DENND4C: variants seen among roughly 807,000 people sequenced by gnomAD.
The protein encoded by DENND4C is DENN domain containing 4C, also known as DENN domain-containing protein 4C.
In DENND4C, 108 loss-of-function variants were observed where a neutral mutation model predicts 203.0. That is an observed-to-expected ratio of 0.53 (90% CI 0.46 to 0.62). The LOEUF (loss-of-function observed/expected upper bound fraction) is 0.62, where lower values mean the gene tolerates loss of function less well. Ranked by LOEUF, DENND4C falls within the 20% of genes least tolerant of loss-of-function variation. DENND4C has a pLI of 0.00. For synonymous variants in DENND4C, 871 were observed against 792.4 expected (o/e 1.10, Z -1.67); for missense variants, 2,481 against 2,301.2 (o/e 1.08, Z -1.60).
At chr9:19,294,095 G>A (rs1836924784) in intron 5 of DENND4C, among the ~76,000 whole-genome samples, 1 of 152,196 alleles carries the variant, frequency 6.6e-6, no homozygotes, top group South Asian at 2.1e-4. Context: ...TTAGTGAGTA[G>A]TCATTTTGAA....
intron 22 of DENND4C, among the ~76,000 whole-genome samples, chr9:19,344,812 C>T (rs1403183977): frequency 6.6e-6 from 1 of 151,068 alleles, no homozygotes; most frequent in African/African-American, 2.5e-5. Context: ...ATAACCCTAA[C>T]TTAAAAAAAA....
At chr9:19,246,534 G>A (rs1466595332) in intron 1 of DENND4C, among the ~76,000 whole-genome samples, 1 of 152,162 alleles carries the variant, frequency 6.6e-6, no homozygotes, top group Non-Finnish European at 1.5e-5. Flanking sequence ...GTGAGCCACT[G>A]CACTGGGCAT....
chr9:19,279,860 T>A (rs1206432862), intron 2 of DENND4C, among the ~76,000 whole-genome samples: 2 of 151,614 alleles, frequency 1.3e-5, no homozygotes, highest in Non-Finnish European at 2.9e-5. Flanking sequence ...AATCTATTTT[T>A]AACAAAATTC....
chr9:19,300,360 A>T, intron 9 of DENND4C, 29 bp downstream of exon 9: 1 of 1,472,932 alleles, frequency 6.8e-7, no homozygotes, highest in South Asian at 1.5e-5. Context: ...TTTTAGTACA[A>T]AATTACTGAC....
At chr9:19,303,760 A>G (rs908519636) in intron 9 of DENND4C, among the ~76,000 whole-genome samples, 1 of 152,238 alleles carries the variant, frequency 6.6e-6, no homozygotes, top group Non-Finnish European at 1.5e-5. Context: ...GATAAGGGTG[A>G]TAATTGAACT....
intron 2 of DENND4C, among the ~76,000 whole-genome samples, chr9:19,281,081 C>T (rs185927115): frequency 5.3e-5 from 8 of 152,268 alleles, no homozygotes; most frequent in Admixed American, 3.3e-4. Context: ...GCCCACCTGC[C>T]ACCCCTCCCA....
intron 18 of DENND4C, among the ~76,000 whole-genome samples, 175 bp downstream of exon 18, chr9:19,335,280 A>G (rs1820190462): frequency 6.6e-6 from 1 of 152,082 alleles, no homozygotes. Context: ...GTACAATATG[A>G]TGTTTTGAGA....
intron 5 of DENND4C, among the ~76,000 whole-genome samples, chr9:19,293,696 C>G (rs1261293481): frequency 3.9e-5 from 6 of 152,190 alleles, no homozygotes; most frequent in Non-Finnish European, 7.3e-5. Flanking sequence ...AAATTATGAA[C>G]TAGTCTATAT....
intron 1 of DENND4C, among the ~76,000 whole-genome samples, chr9:19,235,415 A>G (rs1426084409): frequency 6.6e-6 from 1 of 152,200 alleles, no homozygotes; most frequent in Non-Finnish European, 1.5e-5. Flanking sequence ...TCAAAATATA[A>G]ATTCATAATT....
At chr9:19,287,808 C>T (rs1408258535) in intron 3 of DENND4C, among the ~76,000 whole-genome samples, 1 of 152,144 alleles carries the variant, frequency 6.6e-6, no homozygotes, top group East Asian at 1.9e-4. Flanking sequence ...TCTTGGCTCA[C>T]TGCAACCTCC....
At chr9:19,266,523 A>G (rs940001567) in intron 1 of DENND4C, among the ~76,000 whole-genome samples, 5 of 152,184 alleles carry the variant, frequency 3.3e-5, no homozygotes, top group South Asian at 2.1e-4. Flanking sequence ...TGCCAAGACA[A>G]TCCTAAGCCA....
At chr9:19,302,975 G>T (rs1341237612) in intron 9 of DENND4C, among the ~76,000 whole-genome samples, 1 of 149,614 alleles carries the variant, frequency 6.7e-6, no homozygotes, top group African/African-American at 2.5e-5. Context: ...GAACTCTAAT[G>T]TCCTTTACTT....
intron 1 of DENND4C, among the ~76,000 whole-genome samples, chr9:19,236,871 A>G (rs1822097801): frequency 6.6e-6 from 1 of 152,204 alleles, no homozygotes; most frequent in Non-Finnish European, 1.5e-5. Context: ...CTTTTTCTAA[A>G]AGATCATTTC....
intron 1 of DENND4C, among the ~76,000 whole-genome samples, chr9:19,270,690 G>C (rs1831465598): frequency 6.6e-6 from 1 of 151,992 alleles, no homozygotes; most frequent in African/African-American, 2.4e-5. Context: ...GGTCATTTGG[G>C]TATCTTTGGT....
At chr9:19,357,621 T>C in intron 27 of DENND4C, 1 of 220,484 alleles carries the variant, frequency 4.5e-6, no homozygotes, top group Non-Finnish European at 9.0e-6. Context: ...AGTGTCTTTA[T>C]TGTACTTATT....
At position 19,356,788 on chromosome 9, in the gene DENND4C, T is replaced by TGAGAGAGAGAGAGAGAGAGA. The variant is rs60635871; in HGVS notation, c.4782-174_4782-155dup. ...GAGAGCAGGAATGTGTGTGTGTGTG[T>TGAGAGAGAGAGAGAGAGAGA]GAGAGAGAGAGAGAGAGAGAGAGAG... On this transcript the variant is annotated intron_variant, in intron 26 of 32. Transcript: ENST00000434457. Among the ~76,000 whole-genome samples, 8 of 140,412 alleles carry TGAGAGAGAGAGAGAGAGAGA rather than the reference T, an allele frequency of 5.7e-5. No homozygotes were observed. The South Asian group carries it at 9.0e-4, about 16-fold the overall frequency. The allele number at this position is 140,412 out of a possible 152,430, so 92.1% of individuals were successfully genotyped here.
intron 1 of DENND4C, among the ~76,000 whole-genome samples, chr9:19,267,807 G>C (rs1405831441): frequency 3.3e-5 from 5 of 152,166 alleles, no homozygotes; most frequent in Non-Finnish European, 7.3e-5. Flanking sequence ...CTAAAGTGCT[G>C]AGATTGTAGG....
intron 24 of DENND4C, 75 bp downstream of exon 24, chr9:19,350,954 G>C: frequency 6.9e-7 from 1 of 1,445,862 alleles, no homozygotes; most frequent in Non-Finnish European, 9.3e-7. Context: ...TAAGAGACGG[G>C]GTTTTGTCTT....
chr9:19,314,812 A>G (rs1162559471), intron 10 of DENND4C, among the ~76,000 whole-genome samples: 2 of 151,992 alleles, frequency 1.3e-5, no homozygotes, highest in Admixed American at 6.6e-5. Context: ...ATTTAGAGAA[A>G]CCTAAGCAAT....
Sources: gnomAD v4.1 joint callset for allele counts (sites outside exome capture counted in the v4.1 genomes callset) on GRCh38, gnomAD v4.1.1 for gene constraint, MANE v1.5 for transcripts, NCBI Gene and HGNC (gene_info 2026-07-23, HGNC 2026-07-21) for gene names.